GREB1: variants seen among roughly 807,000 people sequenced by gnomAD.
GREB1 encodes the protein protein GREB1.
A neutral mutation model predicts 200.7 loss-of-function variants in GREB1; 106 were observed. The ratio of observed to expected loss-of-function variants is 0.53; its 90% CI spans 0.45 to 0.62. The LOEUF is 0.62. Ranked by LOEUF, GREB1 falls within the 20% of genes least tolerant of loss-of-function variation. The pLI is 0.00. For missense variants in GREB1, 2,243 were observed against 2,556.8 expected, an observed-to-expected ratio of 0.88 and a Z score of 2.65; for synonymous variants, 1,132 against 1,092.4, an observed-to-expected ratio of 1.04 and a Z score of -0.72.
rs182570976 is a variant in GREB1, at chr2:11,616,675, C to A, written c.3367C>A (p.Arg1123Ser). Reference protein sequence around the residue: ...KRSPMKRERSRSHDSASSSLS... With the variant: ...KRSPMKRERSSSHDSASSSLS... ...AAGCCCCATGAAAAGGGAGAGGTCCCGCTCCCACGACTCAGCATCCTCATC... is the reference window on the plus strand; with the variant it reads ...AAGCCCCATGAAAAGGGAGAGGTCCAGCTCCCACGACTCAGCATCCTCATC... The change falls in exon 21 of 33, where the codon CGC becomes AGC. Residue 1123 changes from arginine to serine, a missense_variant. Around this residue, in one of 3 missense-constraint regions of GREB1, gnomAD observed 587 missense variants for 553.1 expected, o/e 1.06. Coordinates refer to ENST00000381486, the MANE Select transcript of GREB1 (RefSeq NM_014668.4). 6.2e-7 allele frequency: 1 copy of A among 1,613,336 alleles called. No individual in the cohort carries two copies. Among genetic ancestry groups the A allele is most frequent in the South Asian group, 1.1e-5 (1 of 91,050 alleles).
chr2:11,489,192 C>T (rs1330399513), intron 1 of GREB1, among the ~76,000 whole-genome samples: 1 of 152,204 alleles, frequency 6.6e-6, no homozygotes, highest in Non-Finnish European at 1.5e-5. Flanking sequence ...GTGGCTCACA[C>T]CTGTAATCCC....
At chr2:11,518,375 T>C (rs1034209386) in intron 1 of GREB1, among the ~76,000 whole-genome samples, 5 of 152,230 alleles carry the variant, frequency 3.3e-5, no homozygotes, top group Admixed American at 3.3e-4. Context: ...TCCTTTCTTT[T>C]CAGTAGGAAA....
At chr2:11,596,089 T>C (rs1323754126) in intron 12 of GREB1, 22 bp from the exon 13 acceptor site, 1 of 1,603,164 alleles carries the variant, frequency 6.2e-7, no homozygotes, top group East Asian at 2.2e-5. Flanking sequence ...AAAAACCCAT[T>C]TGTTTATTCT....
chr2:11,532,255 T>C (rs1025492941), upstream of GREB1, among the ~76,000 whole-genome samples: 1 of 152,170 alleles, frequency 6.6e-6, no homozygotes, highest in African/African-American at 2.4e-5. Context: ...TTATTTCTGG[T>C]AGGGGCCGGG....
At chr2:11,566,244 T>C (rs994442404) in intron 3 of GREB1, among the ~76,000 whole-genome samples, 1 of 152,178 alleles carries the variant, frequency 6.6e-6, no homozygotes, top group African/African-American at 2.4e-5. Flanking sequence ...CTTGAACTCC[T>C]GACCTCAAGT....
chr2:11,499,981 AG>A (rs1672985095), intron 1 of GREB1, among the ~76,000 whole-genome samples: 1 of 151,558 alleles, frequency 6.6e-6, no homozygotes, highest in Admixed American at 6.6e-5. Flanking sequence ...TGATTAGTAA[AG>A]TATACTTTTT....
chr2:11,530,716 T>G (rs1198327615), upstream of GREB1, among the ~76,000 whole-genome samples: 5 of 152,118 alleles, frequency 3.3e-5, 1 homozygote, highest in Admixed American at 3.3e-4. Flanking sequence ...AAGACGATGA[T>G]GAAGTGCACC....
intron 22 of GREB1, among the ~76,000 whole-genome samples, chr2:11,620,134 G>A (rs1014396901): frequency 1.3e-5 from 2 of 152,120 alleles, no homozygotes; most frequent in African/African-American, 4.8e-5. Context: ...ATGCTACCAT[G>A]CCCGGCTAAT....
In GREB1 at chr2:11,640,599, GC is replaced by G; in HGVS notation, c.*150del. On this transcript the variant is annotated 3_prime_UTR_variant, in exon 33 of 33. Coordinates refer to ENST00000381486, the MANE Select transcript of GREB1 (RefSeq NM_014668.4). The surrounding 1 kb of genome is among the most constrained non-coding windows in gnomAD (Gnocchi z 4.6). Reference sequence around the variant, plus strand: ...GTGCAGCCCCTCCTAGTACACATGGGCCCCCGAGGCCGTGGTCCTGGGAGCC... The same window carrying G: ...GTGCAGCCCCTCCTAGTACACATGGGCCCCGAGGCCGTGGTCCTGGGAGCC... 1.2e-6 allele frequency: 1 copy of G among 865,180 alleles called. No individual in the cohort carries two copies. The highest frequency in any genetic ancestry group is 1.8e-6 in the Non-Finnish European group (1 of 561,826). 53.6% of individuals were successfully genotyped at this position (865,180 alleles called of 1,614,324 possible).
At chr2:11,577,756 T>C (rs1679030913) in intron 5 of GREB1, among the ~76,000 whole-genome samples, 2 of 152,216 alleles carry the variant, frequency 1.3e-5, no homozygotes, top group African/African-American at 4.8e-5. Context: ...TTCCTTCCTC[T>C]CTGCTTTTCT....
chr2:11,508,071 A>G (rs1410820292), intron 1 of GREB1, among the ~76,000 whole-genome samples: 1 of 152,174 alleles, frequency 6.6e-6, no homozygotes, highest in African/African-American at 2.4e-5. Flanking sequence ...CTTCTAGTCC[A>G]TTTCGCCTAT....
chr2:11,587,741 A>ACACACGCGCGCGCGCG, intron 9 of GREB1: 4 of 788,320 alleles, frequency 5.1e-6, no homozygotes, highest in South Asian at 4.4e-5. Flanking sequence ...ACACACACAC[A>ACACACGCGCGCGCGCG]CGCCACCTTT....
At chr2:11,616,376 C>T (rs1197759361) in intron 20 of GREB1, among the ~76,000 whole-genome samples, 1 of 152,236 alleles carries the variant, frequency 6.6e-6, no homozygotes, top group Non-Finnish European at 1.5e-5. Context: ...CTCTTTGCAT[C>T]TCCTCCACCA....
At chr2:11,615,378 A>G in intron 20 of GREB1, 88 bp downstream of exon 20, 3 of 1,165,384 alleles carry the variant, frequency 2.6e-6, no homozygotes, top group Non-Finnish European at 3.7e-6. Flanking sequence ...GCTTATGGAG[A>G]CAGCTGTCTC....
At chr2:11,546,222 A>T (rs1675265145) in intron 1 of GREB1, among the ~76,000 whole-genome samples, 1 of 152,040 alleles carries the variant, frequency 6.6e-6, no homozygotes, top group African/African-American at 2.4e-5. Context: ...AAGACAAAGA[A>T]TGCTTTTACT....
chr2:11,592,919 A>G lies in GREB1; in HGVS notation c.1489A>G (p.Thr497Ala), dbSNP rs765432706. 3.2e-6 allele frequency: 5 copies of G among 1,583,954 alleles called. No homozygotes were observed. The African/African-American group carries it at 6.7e-5, about 21-fold the overall frequency. ...CGCGCCCAGCGCCGCGGCACCCGTGACCTCCGCGCAGCTGCCCTGGCTGGC... is the reference window on the plus strand; with the variant it reads ...CGCGCCCAGCGCCGCGGCACCCGTGGCCTCCGCGCAGCTGCCCTGGCTGGC... ...PPAPSAAAPV[T>A]SAQLPWLASL... Residue 497 changes from threonine to alanine, a missense_variant, in exon 11 of 33, where the codon ACC (threonine) becomes GCC (alanine). Physicochemically the swap from Thr to Ala is moderately conservative, Grantham distance 58. This residue lies in a region of GREB1 where 1,178 missense variants were observed against 1,387.4 expected (regional missense o/e 0.85). Coordinates refer to ENST00000381486, the MANE Select transcript of GREB1 (RefSeq NM_014668.4).
chr2:11,490,709 C>T (rs572243324), intron 1 of GREB1, among the ~76,000 whole-genome samples: 11 of 152,198 alleles, frequency 7.2e-5, no homozygotes, highest in East Asian at 3.9e-4. Flanking sequence ...GCACCACGCC[C>T]GGCTAATTTT....
chr2:11,569,764 A>G (rs1293953589), intron 4 of GREB1, among the ~76,000 whole-genome samples: 2 of 152,222 alleles, frequency 1.3e-5, no homozygotes, highest in Non-Finnish European at 2.9e-5. Context: ...CCTGGTGCCC[A>G]GGTCCTGGAG....
chr2:11,511,876 T>C (rs2148451351), intron 1 of GREB1, among the ~76,000 whole-genome samples: 1 of 152,288 alleles, frequency 6.6e-6, no homozygotes, highest in Admixed American at 6.5e-5. Flanking sequence ...CTCGGATGCC[T>C]GGCCCAGCGC....
Sources: gnomAD v4.1 joint callset for allele counts (sites outside exome capture counted in the v4.1 genomes callset) on GRCh38, gnomAD v4.1.1 for gene constraint, gnomAD v4.1.1 regional missense constraint, Gnocchi (gnomAD v3.1) non-coding constraint, MANE v1.5 for transcripts, NCBI Gene and HGNC (gene_info 2026-07-23, HGNC 2026-07-21) for gene names.